The following P2RY8 variants were observed in gnomAD, a reference collection of about 807,000 sequenced individuals.
P2RY8 encodes the protein S-geranylgeranyl-glutathione receptor P2RY8.
Under a neutral mutation model 10.0 loss-of-function variants are expected in P2RY8, and 6 were observed. The observed-to-expected ratio is 0.60, with a 90% CI of 0.33 to 1.19. The LOEUF (loss-of-function observed/expected upper bound fraction) is 1.19, where lower values mean the gene tolerates loss of function less well. Ranked by LOEUF, P2RY8 falls within the 50% of genes most tolerant of loss-of-function variation. The pLI is 0.04. For missense variants in P2RY8, 456 were observed against 542.0 expected, an observed-to-expected ratio of 0.84 and a Z score of 1.58; for synonymous variants, 276 against 252.5, an observed-to-expected ratio of 1.09 and a Z score of -0.88.
At position 1,524,353 on chromosome X, in the gene P2RY8, C is replaced by CCATCCATCCATCCATCCACT. The variant is rs1176226999; in HGVS notation, c.-25+12548_-25+12567dup. On this transcript the variant is annotated intron_variant, in intron 1 of 1. Transcript: ENST00000381297. ...TCCATCCATGCATCCATCCATTCAT[C>CCATCCATCCATCCATCCACT]CATCCATCCATCCATCCACTCATCC... 2.4e-5 allele frequency among the ~76,000 whole-genome samples: 3 copies of CCATCCATCCATCCATCCACT among 125,662 alleles called. No individual in the cohort carries two copies. In the East Asian group the frequency reaches 5.8e-4, roughly 24 times the overall value. The allele number at this position is 125,662 out of a possible 152,430, so 82.4% of individuals were successfully genotyped here. A position where few individuals can be genotyped will look rare whatever the true frequency, so the allele number is the denominator to read the frequency against.
At chrX:1,516,985 C>G (rs779182537) in intron 1 of P2RY8, among the ~76,000 whole-genome samples, 1 of 142,362 alleles carries the variant, frequency 7.0e-6, no homozygotes, top group South Asian at 2.3e-4. Context: ...GACTAAGACA[C>G]CTCATAAGAA....
At position 1,465,621 on chromosome X, in the gene P2RY8, AC is replaced by A; in HGVS notation, c.937del (p.Val313CysfsTer152). 1 of 1,613,230 alleles carries A rather than the reference AC, an allele frequency of 6.2e-7. No individual in the cohort carries two copies. The highest frequency in any genetic ancestry group is 8.5e-7 in the Non-Finnish European group (1 of 1,179,804). On this transcript the variant is annotated frameshift_variant, in exon 2 of 2. Coordinates refer to ENST00000381297, the MANE Select transcript of P2RY8 (RefSeq NM_178129.5). LOFTEE classifies it low-confidence loss of function (END_TRUNC). ...RLREYLGCRRVPRDTLDTRRE... is the reference protein window; with the variant it reads ...RLREYLGCRRXPRDTLDTRRE... ...GCGCGTGTCCAGGGTGTCTCTGGGC[AC>A]CCGGCGGCAGCCCAAATATTCCCGC...
chrX:1,509,553 T>C (rs1480766762), intron 1 of P2RY8, among the ~76,000 whole-genome samples: 58 of 123,286 alleles, frequency 4.7e-4, no homozygotes, highest in Non-Finnish European at 9.1e-4. Context: ...CCATCTATTC[T>C]ATCATCTATG....
intron 1 of P2RY8, among the ~76,000 whole-genome samples, chrX:1,476,830 C>G (rs184284256): frequency 6.6e-6 from 1 of 152,162 alleles, no homozygotes; most frequent in African/African-American, 2.4e-5. Context: ...GGGTCCCCAC[C>G]ACAGAGAAGC....
chrX:1,530,184 CTATCTATCT>C (rs2092464152), intron 1 of P2RY8, among the ~76,000 whole-genome samples: 2 of 143,368 alleles, frequency 1.4e-5, no homozygotes, highest in Non-Finnish European at 3.0e-5. Context: ...ATCTATCTAT[CTATCTATCT>C]ATCTATCTAT....
chrX:1,524,501 GCATC>G lies in P2RY8; in HGVS notation c.-25+12416_-25+12419del, dbSNP rs769194804. On this transcript the variant is annotated intron_variant, in intron 1 of 1. Transcript: ENST00000381297. Reference sequence around the variant, plus strand: ...TCCACTCATCCATCCATACATCCACGCATCCATCCATCCATCCATCCATCCATTC... The same window carrying G: ...TCCACTCATCCATCCATACATCCACGCATCCATCCATCCATCCATCCATTC... 7.0e-4 allele frequency among the ~76,000 whole-genome samples: 28 copies of G among 39,916 alleles called. 1 individual carries two copies. The highest frequency in any genetic ancestry group is 2.6e-3 in the African/African-American group (24 of 9,234). 26.2% of individuals were successfully genotyped at this position (39,916 alleles called of 152,430 possible). A position where few individuals can be genotyped will look rare whatever the true frequency, so the allele number is the denominator to read the frequency against.
intron 1 of P2RY8, among the ~76,000 whole-genome samples, chrX:1,486,713 G>T (rs1165243622): frequency 2.3e-4 from 35 of 152,216 alleles, no homozygotes; most frequent in African/African-American, 8.0e-4. Context: ...GTGAGTTCAT[G>T]TCAAGCATAA....
At chrX:1,470,983 C>A (rs1166443692) in intron 1 of P2RY8, among the ~76,000 whole-genome samples, 1 of 150,584 alleles carries the variant, frequency 6.6e-6, no homozygotes, top group Non-Finnish European at 1.5e-5. Context: ...GCTACAGGAA[C>A]CTGCCACCAC....
intron 1 of P2RY8, among the ~76,000 whole-genome samples, chrX:1,509,784 C>CTAT (rs2092282689): frequency 1.8e-5 from 1 of 55,648 alleles, no homozygotes; most frequent in Admixed American, 1.7e-4. Flanking sequence ...TATCTATCAT[C>CTAT]TATGTATCCA....
intron 1 of P2RY8, among the ~76,000 whole-genome samples, chrX:1,468,518 CTGCCCTGACA>C (rs1464281833): frequency 2.6e-5 from 4 of 152,192 alleles, no homozygotes; most frequent in Admixed American, 1.3e-4. Flanking sequence ...CTGATGCCAG[CTGCCCTGACA>C]CAGGAGGCAC....
Position 1,466,435 on chromosome X carries a change from G to A in P2RY8, c.124C>T (p.Leu42Phe). 2.5e-6 allele frequency: 4 copies of A among 1,613,006 alleles called. No individual in the cohort carries two copies. Among genetic ancestry groups the A allele is most frequent in the Non-Finnish European group, 3.4e-6 (4 of 1,179,836 alleles). ...CGGCACAGCACCCACAGAGAGAAGA[G>A]GTTGCCCGGGATGCTGACCGCCGCC... ...LVAAVSIPGN[L>F]FSLWVLCRRM... The change falls in exon 2 of 2, where the codon CTC becomes TTC. Residue 42 changes from leucine (L) to phenylalanine (F), a missense_variant. Physicochemically the swap from Leu to Phe is conservative, Grantham distance 22. Transcript: ENST00000381297.
chrX:1,530,157 GATCTATCT>G (rs1179030530), intron 1 of P2RY8, among the ~76,000 whole-genome samples: 490 of 42,530 alleles, frequency 0.012, 4 homozygotes, highest in African/African-American at 0.023. Context: ...ATGTATGTAT[GATCTATCT>G]ATCTATCTAT....
intron 1 of P2RY8, among the ~76,000 whole-genome samples, chrX:1,502,422 C>T (rs1389005286): frequency 2.0e-5 from 3 of 152,092 alleles, no homozygotes; most frequent in Non-Finnish European, 4.4e-5. Context: ...GGGACAGGAC[C>T]CCGCTGCGAG....
In P2RY8 at chrX:1,482,307, A is replaced by C. The variant is rs760518600; in HGVS notation, c.-24-15725T>G. On this transcript the variant is annotated intron_variant, in intron 1 of 1. Coordinates refer to ENST00000381297, the MANE Select transcript of P2RY8 (RefSeq NM_178129.5). ...TGCCATTTGGTGAAAAAAAAAAAAA[A>C]AACCCAAAGTGGTTGAGTGTGTGGC... Among the ~76,000 whole-genome samples the C allele has an allele frequency of 6.6e-5, 10 of 152,006 alleles. No individual in the cohort carries two copies. The East Asian group carries it at 1.9e-3, about 29-fold the overall frequency.
chrX:1,475,911 C>T (rs1455640297), intron 1 of P2RY8, among the ~76,000 whole-genome samples: 2 of 152,214 alleles, frequency 1.3e-5, no homozygotes, highest in South Asian at 4.1e-4. Context: ...GGAGGAATGG[C>T]TGCATAGGAC....
chrX:1,511,954 G>A (rs2092300119), intron 1 of P2RY8, among the ~76,000 whole-genome samples: 1 of 152,146 alleles, frequency 6.6e-6, no homozygotes, highest in Admixed American at 6.5e-5. Context: ...AGGTGAGCAA[G>A]TGTTCTGCCT....
chrX:1,512,462 G>A (rs1406889829), intron 1 of P2RY8, among the ~76,000 whole-genome samples: 6 of 147,158 alleles, frequency 4.1e-5, no homozygotes, highest in South Asian at 2.1e-4. Flanking sequence ...CAGGAGAATC[G>A]CTTGAACCTG....
rs185517346 is a variant in P2RY8, at chrX:1,530,396, C to T, written c.-25+6525G>A. ...TATCTCTCTAATCTATCATCTATCT[C>T]TCTAATCTATTAATGCACCTATGTA... On this transcript the variant is annotated intron_variant, in intron 1 of 1. Coordinates refer to ENST00000381297, the MANE Select transcript of P2RY8 (RefSeq NM_178129.5). 3.6e-3 allele frequency among the ~76,000 whole-genome samples: 545 copies of T among 151,556 alleles called. 8 individuals carry two copies. The highest frequency in any genetic ancestry group is 0.022 in the East Asian group (111 of 5,110).
chrX:1,495,930 C>T (rs1488692623), intron 1 of P2RY8, among the ~76,000 whole-genome samples: 5 of 150,032 alleles, frequency 3.3e-5, no homozygotes, highest in African/African-American at 1.2e-4. Flanking sequence ...AGAGAGATGA[C>T]CCTGTGAGGA....
Sources: allele counts gnomAD v4.1 joint callset (sites outside exome capture counted in the v4.1 genomes callset), GRCh38; gene constraint gnomAD v4.1.1; transcripts MANE v1.5; gene names NCBI Gene and HGNC (gene_info 2026-07-23, HGNC 2026-07-21).